The following SAMMSON variants were observed in gnomAD, a reference collection of about 807,000 sequenced individuals.
SAMMSON encodes long intergenic non-protein coding RNA 1212.
At chr3:70,199,403 T>A (rs993573178) in intron 4 of SAMMSON, among the ~76,000 whole-genome samples, 4 of 152,180 alleles carry the variant, frequency 2.6e-5, no homozygotes, top group Non-Finnish European at 5.9e-5. Context: ...TTTGGCTTAA[T>A]CCTTTGGCCA....
At chr3:70,177,834 T>C (rs924338387) in intron 4 of SAMMSON, among the ~76,000 whole-genome samples, 3 of 152,190 alleles carry the variant, frequency 2.0e-5, no homozygotes, top group South Asian at 2.1e-4. Context: ...TGTCCACTTA[T>C]GGTACCGCCG....
rs113071317 is a variant in SAMMSON at position 70,264,677 on chromosome 3, A to T, written n.674+15007A>T. On this transcript the variant is annotated intron_variant and non_coding_transcript_variant, in intron 6 of 9. Coordinates refer to ENST00000642114, the Ensembl canonical transcript of SAMMSON. ...TACTTTGCTAAAGACTCACTTTGCTAAACACAGTGAACATGGCAGATGCAG... is the reference window on the plus strand; with the variant it reads ...TACTTTGCTAAAGACTCACTTTGCTTAACACAGTGAACATGGCAGATGCAG... 3.6e-4 allele frequency among the ~76,000 whole-genome samples: 55 copies of T among 152,332 alleles called. 1 individual carries two copies. Among genetic ancestry groups the T allele is most frequent in the African/African-American group, 1.3e-3 (55 of 41,582 alleles).
At chr3:70,332,348 G>A (rs1702627139) in intron 7 of SAMMSON, among the ~76,000 whole-genome samples, 1 of 152,106 alleles carries the variant, frequency 6.6e-6, no homozygotes, top group Non-Finnish European at 1.5e-5. Flanking sequence ...TGGTGTTCCA[G>A]GCTAGTAAGC....
chr3:70,305,634 A>G (rs888460631), intron 7 of SAMMSON, among the ~76,000 whole-genome samples: 1 of 152,186 alleles, frequency 6.6e-6, no homozygotes, highest in Non-Finnish European at 1.5e-5. Flanking sequence ...GTTCAAGAGG[A>G]GCCACATCAA....
In SAMMSON at chr3:70,041,599, C is replaced by T. The variant is rs1004672454; in HGVS notation, n.417+27927C>T. 5.9e-5 allele frequency among the ~76,000 whole-genome samples: 9 copies of T among 151,606 alleles called. No individual in the cohort carries two copies. The South Asian group carries it at 6.3e-4, about 11-fold the overall frequency. On this transcript the variant is annotated intron_variant and non_coding_transcript_variant, in intron 3 of 9. Coordinates refer to ENST00000642114, the Ensembl canonical transcript of SAMMSON. ...AGTCAGCCCTTTGAATCTGTGGATTCGAGCAACCACAGATTTAAAAAATTT... is the reference window on the plus strand; with the variant it reads ...AGTCAGCCCTTTGAATCTGTGGATTTGAGCAACCACAGATTTAAAAAATTT...
At chr3:70,290,603 G>A (rs1301285160) in intron 6 of SAMMSON, among the ~76,000 whole-genome samples, 38 of 152,300 alleles carry the variant, frequency 2.5e-4, no homozygotes, top group South Asian at 4.1e-4. Context: ...TCGAGTTTCC[G>A]GGCTGTTTTG....
chr3:70,162,318 A>C (rs2067618781), intron 4 of SAMMSON, among the ~76,000 whole-genome samples: 1 of 151,754 alleles, frequency 6.6e-6, no homozygotes, highest in Admixed American at 6.6e-5. Flanking sequence ...GAAACCCACA[A>C]ATTTTGGTAT....
chr3:70,150,897 C>A (rs930699549), intron 4 of SAMMSON, among the ~76,000 whole-genome samples: 2 of 151,796 alleles, frequency 1.3e-5, no homozygotes. Context: ...AACACAGAAT[C>A]GTGTGAATAA....
At chr3:70,289,281 C>T (rs1236610085) in intron 6 of SAMMSON, among the ~76,000 whole-genome samples, 7 of 151,036 alleles carry the variant, frequency 4.6e-5, no homozygotes, top group Non-Finnish European at 7.4e-5. Flanking sequence ...TCAGCATTTG[C>T]TTGTCTGTAA....
chr3:70,028,009 G>T (rs1175266810), intron 3 of SAMMSON, among the ~76,000 whole-genome samples: 3 of 152,166 alleles, frequency 2.0e-5, no homozygotes, highest in Non-Finnish European at 2.9e-5. Context: ...GAATGGCTTT[G>T]CATTTTCAGT....
chr3:70,328,806 C>A (rs1702599773), intron 7 of SAMMSON, among the ~76,000 whole-genome samples: 1 of 151,852 alleles, frequency 6.6e-6, no homozygotes, highest in Non-Finnish European at 1.5e-5. Context: ...AAATTAGAAA[C>A]CCACAAATTG....
intron 7 of SAMMSON, among the ~76,000 whole-genome samples, chr3:70,321,227 C>T (rs1264791314): frequency 6.6e-6 from 1 of 152,062 alleles, no homozygotes; most frequent in East Asian, 1.9e-4. Context: ...CCCAACATTT[C>T]CTCAACCCTT....
At chr3:70,258,472 T>C (rs1701837721) in intron 6 of SAMMSON, among the ~76,000 whole-genome samples, 3 of 152,072 alleles carry the variant, frequency 2.0e-5, no homozygotes. Context: ...AACCTCTGGG[T>C]TCAACCGAAA....
intron 4 of SAMMSON, among the ~76,000 whole-genome samples, chr3:70,085,412 G>C (rs1183510635): frequency 1.3e-5 from 2 of 152,128 alleles, no homozygotes; most frequent in Non-Finnish European, 2.9e-5. Flanking sequence ...ACAAATGTAG[G>C]GAAGCCAGTC....
At chr3:70,318,041 TTTTTTC>T (rs1242223130) in intron 7 of SAMMSON, among the ~76,000 whole-genome samples, 1 of 151,630 alleles carries the variant, frequency 6.6e-6, no homozygotes, top group Non-Finnish European at 1.5e-5. Context: ...TCTTTCACTG[TTTTTTC>T]TTTTTCTTTC....
intron 7 of SAMMSON, among the ~76,000 whole-genome samples, chr3:70,302,289 C>A (rs532980589): frequency 3.7e-4 from 56 of 152,104 alleles, no homozygotes; most frequent in African/African-American, 1.2e-3. Flanking sequence ...GTCTGGTGAA[C>A]ACCTAGTGTA....
intron 2 of SAMMSON, among the ~76,000 whole-genome samples, chr3:70,422,216 T>C (rs1199137263): frequency 6.6e-6 from 1 of 151,910 alleles, no homozygotes; most frequent in Non-Finnish European, 1.5e-5. Context: ...TGAAAAAAAT[T>C]GTTATTCTTA....
chr3:70,321,457 A>G (rs1702538163), intron 7 of SAMMSON, among the ~76,000 whole-genome samples: 1 of 152,114 alleles, frequency 6.6e-6, no homozygotes, highest in Admixed American at 6.6e-5. Context: ...CCATTGTGCT[A>G]ATATACTACA....
chr3:70,242,259 A>C (rs1001042773), intron 4 of SAMMSON, among the ~76,000 whole-genome samples: 1 of 152,154 alleles, frequency 6.6e-6, no homozygotes, highest in Non-Finnish European at 1.5e-5. Context: ...ATCTCCCCTA[A>C]AATCAAGTTG....
Sources: allele counts gnomAD v4.1 joint callset (sites outside exome capture counted in the v4.1 genomes callset), GRCh38; gene constraint gnomAD v4.1.1; transcripts MANE v1.5; gene names NCBI Gene and HGNC (gene_info 2026-07-23, HGNC 2026-07-21).